The following DRICH1 variants were observed in gnomAD, a reference collection of about 807,000 sequenced individuals.
The protein encoded by DRICH1 is aspartate-rich protein 1.
In DRICH1, 38 loss-of-function variants were observed where a neutral mutation model predicts 39.5. The observed-to-expected ratio is 0.96, with a 90% CI of 0.74 to 1.26. The LOEUF is 1.26. Ranked by LOEUF, DRICH1 falls within the 50% of genes most tolerant of loss-of-function variation. The pLI, the probability that DRICH1 is intolerant of heterozygous loss-of-function variation, is 0.00. For missense variants in DRICH1, 279 were observed against 270.4 expected (o/e 1.03, Z -0.22); for synonymous variants, 84 against 99.5 (o/e 0.84, Z 0.93).
rs6003814 is a variant in DRICH1 at position 23,617,301 on chromosome 22, G to A, written c.519+274C>T. On this transcript the variant is annotated intron_variant, in intron 7 of 11. Coordinates refer to ENST00000317749, the MANE Select transcript of DRICH1 (RefSeq NM_016449.4). ...TTTTATATCAAAATTAATTGAGAAGGGAAGAAATCAGGTGAAGGAAATAAT... is the reference window on the plus strand; with the variant it reads ...TTTTATATCAAAATTAATTGAGAAGAGAAGAAATCAGGTGAAGGAAATAAT... 8.5e-4 allele frequency among the ~76,000 whole-genome samples: 130 copies of A among 152,274 alleles called. 1 individual carries two copies. The highest frequency in any genetic ancestry group is 3.0e-3 in the African/African-American group (125 of 41,546).
chr22:23,620,676 C>T (rs1927669650), intron 4 of DRICH1, 61 bp from the exon 5 acceptor site: 2 of 1,578,534 alleles, frequency 1.3e-6, no homozygotes, highest in East Asian at 4.5e-5. Flanking sequence ...ACCCCTTACA[C>T]AGATCTGTTA....
chr22:23,610,691 T>C (rs1346623236), intron 11 of DRICH1, among the ~76,000 whole-genome samples: 2 of 152,190 alleles, frequency 1.3e-5, no homozygotes, highest in Non-Finnish European at 2.9e-5. Context: ...TCCCTTCCAT[T>C]TTTACTTATT....
chr22:23,628,931 G>A (rs914298353), intron 1 of DRICH1, among the ~76,000 whole-genome samples: 5 of 152,148 alleles, frequency 3.3e-5, no homozygotes, highest in African/African-American at 1.2e-4. Flanking sequence ...CCATGCTCTC[G>A]GCAGACAGGA....
downstream of DRICH1, among the ~76,000 whole-genome samples, chr22:23,607,849 A>G (rs573889821): frequency 2.0e-5 from 3 of 152,304 alleles, no homozygotes; most frequent in East Asian, 3.9e-4. Flanking sequence ...GTCATCCCCA[A>G]GGGGAGCTCC....
intron 1 of DRICH1, among the ~76,000 whole-genome samples, 196 bp from the exon 2 acceptor site, chr22:23,626,244 A>G (rs1411234331): frequency 1.3e-5 from 2 of 152,210 alleles, no homozygotes; most frequent in African/African-American, 4.8e-5. Flanking sequence ...CCCAGACCTA[A>G]TAAGACTCTT....
At chr22:23,621,419 A>AT (rs996576727) in intron 4 of DRICH1, among the ~76,000 whole-genome samples, 80 of 151,452 alleles carry the variant, frequency 5.3e-4, no homozygotes, top group African/African-American at 1.6e-3. Flanking sequence ...TAAGACAACC[A>AT]TAAAAAAAAA....
rs1928053515 is a variant in DRICH1, at chr22:23,626,200, G to A, written c.209-152C>T. The A allele has an allele frequency of 1.6e-5, 10 of 609,064 alleles. No homozygotes were observed. The South Asian group carries it at 1.8e-4, about 11-fold the overall frequency. The allele number at this position is 609,064 out of a possible 1,614,324, so 37.7% of individuals were successfully genotyped here. Reference sequence around the variant, plus strand: ...CTGTGTTCAAGTAGTGAGCATGAGGGAGTCTCACCAGATACCTTGCATCTT... The same window carrying A: ...CTGTGTTCAAGTAGTGAGCATGAGGAAGTCTCACCAGATACCTTGCATCTT... On this transcript the variant is annotated intron_variant, in intron 1 of 11. Transcript: ENST00000317749.
At chr22:23,608,368 G>T (rs1198405585), downstream of DRICH1, 3 of 226,254 alleles carry the variant, frequency 1.3e-5, no homozygotes, top group Non-Finnish European at 2.6e-5. Context: ...TATAGAAGGT[G>T]ACCCAGATCG....
At chr22:23,629,040 T>TG (rs143806891) in intron 1 of DRICH1, among the ~76,000 whole-genome samples, 1 of 151,568 alleles carries the variant, frequency 6.6e-6, no homozygotes, top group Non-Finnish European at 1.5e-5. Flanking sequence ...TAATTTTTTG[T>TG]TTTGTTTGTT....
the DRICH1 span, among the ~76,000 whole-genome samples, chr22:23,593,337 A>T: frequency 6.6e-6 from 1 of 152,322 alleles, no homozygotes; most frequent in East Asian, 1.9e-4. Flanking sequence ...AAGAAAGTAC[A>T]TTTGAAATTA....
chr22:23,610,651 G>C (rs1721921333), intron 11 of DRICH1: 1 of 152,192 alleles, frequency 6.6e-6, no homozygotes, highest in African/African-American at 2.4e-5. Context: ...ACAGGCAACT[G>C]TGGTCCTGGC....
rs556972847 is a variant in DRICH1, at chr22:23,611,723, A to G, written c.685+1566T>C. ...AGAACACATGTATGACAGTGGTCCC[A>G]TAAGATTATAACAAAGCTGAAAATT... On this transcript the variant is annotated intron_variant, in intron 11 of 11. Coordinates refer to ENST00000317749, the MANE Select transcript of DRICH1 (RefSeq NM_016449.4). 3.1e-4 allele frequency among the ~76,000 whole-genome samples: 47 copies of G among 152,322 alleles called. No individual in the cohort carries two copies. In the South Asian group the frequency reaches 9.1e-3, roughly 30 times the overall value.
chr22:23,620,216 A>G (rs1400204457), intron 5 of DRICH1, among the ~76,000 whole-genome samples: 2 of 152,120 alleles, frequency 1.3e-5, no homozygotes, highest in Non-Finnish European at 1.5e-5. Flanking sequence ...AGCAGCAGAT[A>G]TAACATGAAG....
At chr22:23,591,843 G>A in the DRICH1 span, among the ~76,000 whole-genome samples, 1 of 152,198 alleles carries the variant, frequency 6.6e-6, no homozygotes, top group East Asian at 1.9e-4. Flanking sequence ...CCTTTCCCAC[G>A]AACCAAAGGG....
intron 1 of DRICH1, among the ~76,000 whole-genome samples, chr22:23,631,355 G>T (rs1475118801): frequency 6.6e-6 from 1 of 152,064 alleles, no homozygotes; most frequent in East Asian, 1.9e-4. Flanking sequence ...GGCAGAGGTT[G>T]CAGTGAGCTG....
At chr22:23,628,780 C>CA (rs1446640337) in intron 1 of DRICH1, among the ~76,000 whole-genome samples, 6 of 152,200 alleles carry the variant, frequency 3.9e-5, no homozygotes, top group Non-Finnish European at 8.8e-5. Context: ...TGCTCTGTGT[C>CA]AGAGAAGTGG....
chr22:23,596,088 G>A, the DRICH1 span, among the ~76,000 whole-genome samples: 2 of 152,106 alleles, frequency 1.3e-5, no homozygotes, highest in Admixed American at 6.5e-5. Flanking sequence ...ATCACATTAC[G>A]TCATTTTTGC....
At chr22:23,624,225 G>C (rs1471197030) in intron 3 of DRICH1, 13 of 985,288 alleles carry the variant, frequency 1.3e-5, no homozygotes, top group Non-Finnish European at 1.4e-5. Context: ...GTCTCCAGGA[G>C]TGAGTAACTG....
chr22:23,614,348 C>T (rs1407998175), intron 8 of DRICH1, 134 bp from the exon 9 acceptor site: 2 of 665,098 alleles, frequency 3.0e-6, no homozygotes, highest in Non-Finnish European at 5.4e-6. Flanking sequence ...GGCTATTCCC[C>T]TGAGTGGAAG....
Sources: allele counts gnomAD v4.1 joint callset (sites outside exome capture counted in the v4.1 genomes callset), GRCh38; gene constraint gnomAD v4.1.1; transcripts MANE v1.5; gene names NCBI Gene and HGNC (gene_info 2026-07-23, HGNC 2026-07-21).